PHF24: variants seen among roughly 807,000 people sequenced by gnomAD.
The protein encoded by PHF24 is PHD finger protein 24, also known as Galpha inhibitory interacting protein.
PHF24 carries 25 observed loss-of-function variants against 42.6 expected under a neutral mutation model. The observed-to-expected ratio is 0.59, with a 90% confidence interval of 0.43 to 0.82. PHF24 has a LOEUF of 0.82. Ranked by LOEUF, PHF24 falls within the 40% of genes least tolerant of loss-of-function variation. The pLI, the probability that PHF24 is intolerant of heterozygous loss-of-function variation, is 0.00. For synonymous variants in PHF24, 185 were observed against 204.8 expected (o/e 0.90, Z 0.83); for missense variants, 470 against 538.1 (o/e 0.87, Z 1.25).
chr9:34,674,906 A>C, the PHF24 span, among the ~76,000 whole-genome samples: 12 of 152,070 alleles, frequency 7.9e-5, no homozygotes, highest in South Asian at 1.4e-3. Context: ...TCGCTCTGTC[A>C]CTCAGGCTGG....
At chr9:34,773,122 C>T in the PHF24 span, among the ~76,000 whole-genome samples, 1 of 152,012 alleles carries the variant, frequency 6.6e-6, no homozygotes, top group African/African-American at 2.4e-5. Flanking sequence ...TCCCAAATAG[C>T]TGGGACTACA....
In PHF24 at chr9:34,972,334, A is replaced by G; in HGVS notation, c.379-12A>G. ...TTACACATCCCTGTTTCCTCCTGCCATCTTTCTGCAGGTTGTCAACGATGA... is the reference window on the plus strand; with the variant it reads ...TTACACATCCCTGTTTCCTCCTGCCGTCTTTCTGCAGGTTGTCAACGATGA... On this transcript the variant is annotated splice_polypyrimidine_tract_variant and intron_variant, in intron 2 of 7. Coordinates refer to ENST00000242315, the Ensembl canonical transcript of PHF24. The G allele has an allele frequency of 6.3e-7, 1 of 1,594,448 alleles. No homozygotes were observed. Among genetic ancestry groups the G allele is most frequent in the South Asian group, 1.1e-5 (1 of 88,642 alleles).
the PHF24 span, among the ~76,000 whole-genome samples, chr9:34,695,807 T>C: frequency 2.0e-5 from 3 of 152,208 alleles, no homozygotes; most frequent in Middle Eastern, 3.4e-3. Context: ...GAAACATGGT[T>C]TTCCCTGTAT....
the PHF24 span, among the ~76,000 whole-genome samples, chr9:34,742,190 C>T: frequency 6.6e-6 from 1 of 151,972 alleles, no homozygotes; most frequent in African/African-American, 2.4e-5. Context: ...GCAAATATGC[C>T]CAGATTGAAG....
chr9:34,749,831 C>T, the PHF24 span, among the ~76,000 whole-genome samples: 1 of 151,080 alleles, frequency 6.6e-6, no homozygotes, highest in Admixed American at 6.6e-5. Flanking sequence ...TCCTAAAACA[C>T]CAAGAGAAAA....
the PHF24 span, among the ~76,000 whole-genome samples, chr9:34,719,422 G>A: frequency 6.6e-6 from 1 of 152,288 alleles, no homozygotes; most frequent in South Asian, 2.1e-4. Context: ...TAGAAGGTGG[G>A]GTTGTGCTGG....
chr9:34,973,594 C>T (rs1414065189), intron 3 of PHF24, among the ~76,000 whole-genome samples: 2 of 152,224 alleles, frequency 1.3e-5, no homozygotes, highest in African/African-American at 4.8e-5. Context: ...GGAGCACCTG[C>T]TGATCCCCCC....
chr9:34,793,587 T>A, the PHF24 span, among the ~76,000 whole-genome samples: 2 of 152,058 alleles, frequency 1.3e-5, no homozygotes, highest in African/African-American at 4.8e-5. Context: ...GATGTTATGC[T>A]TTTTTTCCCT....
the PHF24 span, among the ~76,000 whole-genome samples, chr9:34,683,252 G>C: frequency 6.6e-6 from 1 of 152,118 alleles, no homozygotes; most frequent in East Asian, 1.9e-4. Context: ...GTAGAGAAAG[G>C]GTTTTGCCAT....
At chr9:34,958,219 G>GAA (rs1563923967), upstream of PHF24, 1 of 144,900 alleles carries the variant, frequency 6.9e-6, no homozygotes, top group South Asian at 1.8e-4. This position sits in a 1 kb window ranked among gnomAD's most constrained non-coding sequence, Gnocchi z 4.5. Flanking sequence ...GTGTGCTCCG[G>GAA]CCGCGCGCGC....
the PHF24 span, among the ~76,000 whole-genome samples, chr9:34,919,393 G>A: frequency 6.6e-6 from 1 of 152,026 alleles, no homozygotes; most frequent in African/African-American, 2.4e-5. Context: ...TCAAACATTA[G>A]AACTTATTTC....
At chr9:34,814,810 G>A in the PHF24 span, among the ~76,000 whole-genome samples, 3 of 152,134 alleles carry the variant, frequency 2.0e-5, no homozygotes, top group Admixed American at 6.5e-5. Flanking sequence ...GCACGATATC[G>A]TCTCACTGCA....
the PHF24 span, among the ~76,000 whole-genome samples, chr9:34,695,703 C>G: frequency 1.8e-4 from 28 of 152,194 alleles, no homozygotes; most frequent in Admixed American, 2.6e-4. Context: ...GAACTGTCTG[C>G]CAGATAATTT....
chr9:34,715,471 C>A, the PHF24 span, among the ~76,000 whole-genome samples: 1 of 152,140 alleles, frequency 6.6e-6, no homozygotes, highest in East Asian at 1.9e-4. Flanking sequence ...CCTCTCAGTC[C>A]TCAGACCAGG....
chr9:34,875,595 G>T, the PHF24 span, among the ~76,000 whole-genome samples: 1 of 151,966 alleles, frequency 6.6e-6, no homozygotes, highest in Non-Finnish European at 1.5e-5. Context: ...CTTACTATGG[G>T]TCACAGTCAC....
intron 6 of PHF24, 76 bp downstream of exon 6, chr9:34,977,319 T>C (rs1827231377): frequency 1.3e-6 from 2 of 1,490,460 alleles, no homozygotes; most frequent in Non-Finnish European, 9.1e-7. Flanking sequence ...CTTCCATACC[T>C]CCCTGCTCCC....
the PHF24 span, among the ~76,000 whole-genome samples, chr9:34,808,929 C>T: frequency 2.0e-5 from 3 of 150,692 alleles, no homozygotes; most frequent in Non-Finnish European, 4.4e-5. Context: ...GGAGATATAC[C>T]TAATGCTAGA....
At chr9:34,929,245 G>A in the PHF24 span, among the ~76,000 whole-genome samples, 1 of 152,082 alleles carries the variant, frequency 6.6e-6, no homozygotes, top group African/African-American at 2.4e-5. Flanking sequence ...TTTATCATAT[G>A]CTCCTTTTGT....
chr9:34,701,386 C>G, the PHF24 span, among the ~76,000 whole-genome samples: 1 of 152,132 alleles, frequency 6.6e-6, no homozygotes, highest in Non-Finnish European at 1.5e-5. This position sits in a 1 kb window ranked among gnomAD's most constrained non-coding sequence, Gnocchi z 5.8. Context: ...GCGACCGGGG[C>G]ATGTGTGCGG....
Sources: gnomAD v4.1 joint callset for allele counts (sites outside exome capture counted in the v4.1 genomes callset) on GRCh38, gnomAD v4.1.1 for gene constraint, Gnocchi (gnomAD v3.1) non-coding constraint, MANE v1.5 for transcripts, NCBI Gene and HGNC (gene_info 2026-07-23, HGNC 2026-07-21) for gene names.